Variants in LRP6 observed in about 807,000 individuals in gnomAD.
LRP6 encodes low-density lipoprotein receptor-related protein 6.
A neutral mutation model predicts 184.1 loss-of-function variants in LRP6; 43 were observed. The ratio of observed to expected loss-of-function variants is 0.23; its 90% CI spans 0.18 to 0.30. The LOEUF (loss-of-function observed/expected upper bound fraction) is 0.30, where lower values mean the gene tolerates loss of function less well. Among genes scored for constraint, LRP6 ranks in the 10% least tolerant of loss-of-function variants. The probability of loss-of-function intolerance (pLI) is 1.00; values close to 1 mark genes in which losing one functional copy is unlikely to be tolerated. For synonymous variants in LRP6, 719 were observed against 684.9 expected (o/e 1.05, Z -0.78); for missense variants, 1,571 against 2,005.3 (o/e 0.78, Z 4.14).
chr12:12,246,859 T>C lies in LRP6; in HGVS notation c.56-2204A>G, dbSNP rs142129970. Among the ~76,000 whole-genome samples the C allele has an allele frequency of 1.2e-3, 180 of 152,332 alleles. 1 individual carries two copies. The highest frequency in any genetic ancestry group is 4.0e-3 in the African/African-American group (166 of 41,580). ...TAAGAAAAAAGTGATGTTTACACTA[T>C]AGATTGTGTCTGTCAAATAGTTATA... is the stretch of plus-strand genomic sequence containing the variant. On this transcript the variant is annotated intron_variant, in intron 1 of 22. Coordinates refer to ENST00000261349, the MANE Select transcript of LRP6 (RefSeq NM_002336.3).
intron 10 of LRP6, among the ~76,000 whole-genome samples, chr12:12,161,059 G>T (rs1014511176): frequency 3.3e-5 from 5 of 152,206 alleles, no homozygotes; most frequent in Non-Finnish European, 4.4e-5. Flanking sequence ...AGAAACAACT[G>T]TGAGAGAAAT....
In LRP6 at chr12:12,139,012, A is replaced by G. The variant is rs1949890993; in HGVS notation, c.3398-478T>C. ...TTATTTCTAATCATCTCAGACATAG[A>G]GTCATCCAGACTCTGAGGAGGCAAC... is the stretch of plus-strand genomic sequence containing the variant. On this transcript the variant is annotated intron_variant, in intron 15 of 22. Coordinates refer to ENST00000261349, the MANE Select transcript of LRP6 (RefSeq NM_002336.3). The G allele has an allele frequency of 3.0e-6, 4 of 1,313,504 alleles. No homozygotes were observed. In the Admixed American group the frequency reaches 9.0e-5, roughly 30 times the overall value. The allele number at this position is 1,313,504 out of a possible 1,614,324, so 81.4% of individuals were successfully genotyped here.
intron 2 of LRP6, among the ~76,000 whole-genome samples, chr12:12,204,136 T>C (rs1299939501): frequency 6.6e-6 from 1 of 152,126 alleles, no homozygotes; most frequent in Non-Finnish European, 1.5e-5. Flanking sequence ...CAGAACATAG[T>C]GTCTTTTATA....
rs1863414094 is a variant in LRP6 at position 12,184,236 on chromosome 12, TCA to T, written c.845-127_845-126del. ...CAAATGTCATGCAGGTGCTTGACTA[TCA>T]AACCATCTGCAAAGACAGGAATTAA... On this transcript the variant is annotated intron_variant, in intron 4 of 22. Coordinates refer to ENST00000261349, the MANE Select transcript of LRP6 (RefSeq NM_002336.3). 9.3e-5 allele frequency: 70 copies of T among 756,516 alleles called. 2 individuals carry two copies. In the Admixed American group the frequency reaches 1.1e-3, roughly 11 times the overall value. 46.9% of individuals were successfully genotyped at this position (756,516 alleles called of 1,614,324 possible). A position where few individuals can be genotyped will look rare whatever the true frequency, so the allele number is the denominator to read the frequency against.
intron 1 of LRP6, among the ~76,000 whole-genome samples, chr12:12,249,756 T>C (rs1865280065): frequency 6.6e-6 from 1 of 152,046 alleles, no homozygotes; most frequent in Admixed American, 6.6e-5. Flanking sequence ...AAAGTTCACC[T>C]GGTCAACAAG....
chr12:12,126,567 T>C, intron 20 of LRP6, 124 bp downstream of exon 20: 1 of 783,648 alleles, frequency 1.3e-6, no homozygotes, highest in Non-Finnish European at 2.2e-6. Flanking sequence ...TTTGTCCTTA[T>C]AATTGTTTAA....
chr12:12,193,945 C>A (rs1204079848), intron 3 of LRP6, among the ~76,000 whole-genome samples: 1 of 152,016 alleles, frequency 6.6e-6, no homozygotes, highest in East Asian at 1.9e-4. Context: ...AAATCCTCAA[C>A]AGAATATTAG....
In LRP6 at chr12:12,121,304, C is replaced by T; in HGVS notation, c.4664G>A (p.Gly1555Asp). The T allele has an allele frequency of 3.7e-6, 6 of 1,614,090 alleles. No individual in the cohort carries two copies. Among genetic ancestry groups the T allele is most frequent in the Non-Finnish European group, 5.1e-6 (6 of 1,180,022 alleles). Residue 1555 changes from glycine to aspartate, a missense_variant, in exon 23 of 23, where the codon GGC becomes GAC. Gly to Asp is a moderately conservative substitution (Grantham distance 94, BLOSUM62 -1). Coordinates refer to ENST00000261349, the MANE Select transcript of LRP6 (RefSeq NM_002336.3). ...RRMTSVATAKGYTSDLNYDSE... is the reference protein window; with the variant it reads ...RRMTSVATAKDYTSDLNYDSE... ...ATCATAGTTCAAGTCACTGGTATAG[C>T]CCTTGGCTGTTGCCACTGAGGTCAT...
intron 2 of LRP6, among the ~76,000 whole-genome samples, chr12:12,221,323 A>AC (rs1453750259): frequency 8.5e-5 from 13 of 152,344 alleles, no homozygotes; most frequent in Non-Finnish European, 1.6e-4. Flanking sequence ...TAACTTCAAA[A>AC]CCCAATAATC....
intron 1 of LRP6, 103 bp downstream of exon 1, chr12:12,266,570 CGCTCCTCT>C: frequency 2.0e-6 from 2 of 980,422 alleles, no homozygotes; most frequent in Non-Finnish European, 3.1e-6. Context: ...GGCCTCTCCC[CGCTCCTCT>C]CCCCTTCTCC....
intron 19 of LRP6, among the ~76,000 whole-genome samples, chr12:12,127,229 G>A (rs551683082): frequency 2.6e-5 from 4 of 152,256 alleles, no homozygotes; most frequent in Admixed American, 2.0e-4. Flanking sequence ...ACACCATTAA[G>A]AAGCTTTAAA....
chr12:12,121,489 A>G, intron 22 of LRP6, 69 bp from the exon 23 acceptor site: 1 of 1,417,160 alleles, frequency 7.1e-7, no homozygotes, highest in Non-Finnish European at 1.0e-6. Flanking sequence ...CTCTCAGAAT[A>G]GAGGTATTAG....
chr12:12,122,363 A>G (rs71457131), intron 22 of LRP6, among the ~76,000 whole-genome samples: 5,750 of 152,284 alleles, frequency 0.038, 142 homozygotes, highest in Non-Finnish European at 0.059. Context: ...ATTTTTTCAT[A>G]AGCTTTCTCA....
chr12:12,155,332 T>G, intron 12 of LRP6: 2 of 758,458 alleles, frequency 2.6e-6, no homozygotes, highest in South Asian at 2.7e-5. Context: ...AAGCATGGAG[T>G]TGTTCCTTTG....
intron 4 of LRP6, among the ~76,000 whole-genome samples, chr12:12,185,498 T>C (rs554567685): frequency 2.0e-5 from 3 of 152,308 alleles, no homozygotes; most frequent in African/African-American, 7.2e-5. Context: ...AAGCAACATA[T>C]GTTGCAAAAT....
At chr12:12,176,311 A>G (rs1406808977) in intron 7 of LRP6, among the ~76,000 whole-genome samples, 1 of 152,240 alleles carries the variant, frequency 6.6e-6, no homozygotes, top group Non-Finnish European at 1.5e-5. Context: ...AACAAGTACT[A>G]GCAGGCACCT....
chr12:12,178,442 G>A (rs746375140), intron 7 of LRP6, among the ~76,000 whole-genome samples: 2 of 152,108 alleles, frequency 1.3e-5, no homozygotes, highest in Non-Finnish European at 2.9e-5. Context: ...ATTCCCTTAC[G>A]TAAATTTTCT....
At chr12:12,218,153 T>C (rs2135863786) in intron 2 of LRP6, among the ~76,000 whole-genome samples, 1 of 152,248 alleles carries the variant, frequency 6.6e-6, no homozygotes, top group East Asian at 1.9e-4. Context: ...GTTTCCAGAA[T>C]ATATAAAGAG....
At chr12:12,198,530 C>CTTTT (rs56150307) in intron 3 of LRP6, among the ~76,000 whole-genome samples, 17 of 76,986 alleles carry the variant, frequency 2.2e-4, no homozygotes, top group African/African-American at 6.1e-4. Flanking sequence ...GAATTTTTCT[C>CTTTT]TTTTTTTTTT....
Sources: allele counts gnomAD v4.1 joint callset (sites outside exome capture counted in the v4.1 genomes callset), GRCh38; gene constraint gnomAD v4.1.1; transcripts MANE v1.5; gene names NCBI Gene and HGNC (gene_info 2026-07-23, HGNC 2026-07-21).